PIR: variants seen among roughly 807,000 people sequenced by gnomAD.
PIR encodes pirin.
A neutral mutation model predicts 24.2 loss-of-function variants in PIR; 22 were observed. That is an observed-to-expected ratio of 0.91 (90% confidence interval 0.65 to 1.30). The LOEUF (loss-of-function observed/expected upper bound fraction) is 1.30, where lower values mean the gene tolerates loss of function less well. Among genes scored for constraint, PIR ranks in the 50% most tolerant of loss-of-function variants. The pLI, the probability that PIR is intolerant of heterozygous loss-of-function variation, is 0.00. For missense variants in PIR, 220 were observed against 220.3 expected, an observed-to-expected ratio of 1.00 and a Z score of 0.01; for synonymous variants, 80 against 79.6, an observed-to-expected ratio of 1.00 and a Z score of -0.03.
chrX:15,385,119 A>G lies in PIR; in HGVS notation c.761-3T>C, dbSNP rs1188551823. 1 of 1,034,956 alleles carries G rather than the reference A, an allele frequency of 9.7e-7. No individual in the cohort carries two copies. Among genetic ancestry groups the G allele is most frequent in the African/African-American group, 1.8e-5 (1 of 54,134 alleles). 85.3% of individuals were successfully genotyped at this position (1,034,956 alleles called of 1,213,427 possible). A position where few individuals can be genotyped will look rare whatever the true frequency, so the allele number is the denominator to read the frequency against. ...ATTGGTGTTCATCACAAATGGACCT[A>G]GGGCAGAAAGAGACATTCAGAAAGT... On this transcript the variant is annotated splice_polypyrimidine_tract_variant and splice_region_variant and intron_variant, in intron 9 of 9. Transcript: ENST00000380420.
intron 6 of PIR, among the ~76,000 whole-genome samples, chrX:15,422,492 TC>T (rs1305833970): frequency 9.1e-6 from 1 of 110,130 alleles, no homozygotes; most frequent in Non-Finnish European, 1.9e-5. Flanking sequence ...GGATACAAAA[TC>T]AACATACAAA....
chrX:15,395,235 A>C (rs764670020), intron 8 of PIR, among the ~76,000 whole-genome samples: 6 of 111,781 alleles, frequency 5.4e-5, no homozygotes, highest in South Asian at 3.8e-4. Flanking sequence ...CTTCAGGTCT[A>C]CTGTATAAAT....
intron 4 of PIR, 62 bp from the exon 5 acceptor site, chrX:15,456,116 A>G (rs1367148871): frequency 1.1e-6 from 1 of 890,720 alleles, no homozygotes; most frequent in Non-Finnish European, 1.6e-6. Flanking sequence ...CTATAGGTGG[A>G]ACAATTACAA....
intron 7 of PIR, among the ~76,000 whole-genome samples, chrX:15,406,225 G>T: frequency 8.9e-6 from 1 of 112,575 alleles, no homozygotes. Context: ...CGTCTGTGGG[G>T]ATGAGGAGGA....
At chrX:15,479,114 C>T (rs1922362495) in intron 3 of PIR, among the ~76,000 whole-genome samples, 1 of 111,979 alleles carries the variant, frequency 8.9e-6, no homozygotes, top group Non-Finnish European at 1.9e-5. Flanking sequence ...ATTAAGTGTT[C>T]AGTAGAATCT....
chrX:15,435,748 C>T (rs1254557144), intron 5 of PIR, among the ~76,000 whole-genome samples: 1 of 112,143 alleles, frequency 8.9e-6, no homozygotes, highest in Admixed American at 9.4e-5. Context: ...TCCCATTGCC[C>T]CTGCATGGGG....
At chrX:15,484,656 G>A (rs758587290) in intron 2 of PIR, among the ~76,000 whole-genome samples, 2 of 111,519 alleles carry the variant, frequency 1.8e-5, no homozygotes, top group Non-Finnish European at 3.8e-5. Flanking sequence ...TGAACAGATT[G>A]TTGTAGAAAT....
chrX:15,460,406 C>G (rs1921253528), intron 3 of PIR, among the ~76,000 whole-genome samples: 1 of 111,395 alleles, frequency 9.0e-6, no homozygotes, highest in Admixed American at 9.6e-5. Flanking sequence ...ACTATTAAGC[C>G]TTAAAAAATA....
chrX:15,475,957 G>A (rs1237115729), intron 3 of PIR, among the ~76,000 whole-genome samples: 1 of 112,143 alleles, frequency 8.9e-6, no homozygotes, highest in Non-Finnish European at 1.9e-5. Flanking sequence ...AAACCTAAGA[G>A]TTAAGTTTAA....
intron 5 of PIR, among the ~76,000 whole-genome samples, chrX:15,427,905 T>C (rs1020110416): frequency 9.0e-6 from 1 of 111,152 alleles, no homozygotes; most frequent in Non-Finnish European, 1.9e-5. Flanking sequence ...CACCTACATG[T>C]AGCAAAATGC....
At chrX:15,436,062 A>G (rs1391212299) in intron 5 of PIR, among the ~76,000 whole-genome samples, 1 of 112,380 alleles carries the variant, frequency 8.9e-6, no homozygotes, top group Non-Finnish European at 1.9e-5. Flanking sequence ...CAAAGAGAAG[A>G]CAAGGAACTC....
chrX:15,441,757 T>C (rs1280817284), intron 5 of PIR, among the ~76,000 whole-genome samples: 1 of 111,271 alleles, frequency 9.0e-6, no homozygotes, highest in Non-Finnish European at 1.9e-5. Flanking sequence ...TTCTGAGCTC[T>C]TTTTCTTTCT....
intron 5 of PIR, among the ~76,000 whole-genome samples, chrX:15,428,179 A>G (rs1602262575): frequency 9.0e-6 from 1 of 111,274 alleles, no homozygotes; most frequent in East Asian, 2.8e-4. Context: ...GACCTGTGAC[A>G]TCAAGTGCAA....
chrX:15,403,416 T>C (rs966111955), intron 7 of PIR, among the ~76,000 whole-genome samples: 1 of 112,235 alleles, frequency 8.9e-6, no homozygotes, highest in African/African-American at 3.2e-5. Flanking sequence ...GGACTAGAAT[T>C]CAAGCTGATA....
rs781069754 is a variant in PIR, at chrX:15,487,164, T to C, written c.96+3998A>G. Reference sequence around the variant, plus strand: ...ACTGAGATCTAGATACAGCCTTGAATGGACTTGAGCTGTGACTATATGGCC... The same window carrying C: ...ACTGAGATCTAGATACAGCCTTGAACGGACTTGAGCTGTGACTATATGGCC... On this transcript the variant is annotated intron_variant, in intron 2 of 9. Transcript: ENST00000380420. Among the ~76,000 whole-genome samples, 4 of 112,131 alleles carry C rather than the reference T, an allele frequency of 3.6e-5. 1 individual carries two copies. Among genetic ancestry groups the C allele is most frequent in the African/African-American group, 1.3e-4 (4 of 30,866 alleles).
intron 6 of PIR, among the ~76,000 whole-genome samples, chrX:15,414,737 G>A (rs1924857325): frequency 9.0e-6 from 1 of 111,021 alleles, no homozygotes; most frequent in East Asian, 2.8e-4. Flanking sequence ...TGTTGCCTAG[G>A]CTTGTCTCGA....
At chrX:15,429,351 A>G (rs1048540675) in intron 5 of PIR, 1 of 112,222 alleles carries the variant, frequency 8.9e-6, no homozygotes, top group African/African-American at 3.2e-5. Flanking sequence ...AATATATTCT[A>G]TCGTCTCACA....
chrX:15,468,126 C>T (rs1407264676), intron 3 of PIR, among the ~76,000 whole-genome samples: 2 of 112,515 alleles, frequency 1.8e-5, no homozygotes, highest in East Asian at 2.8e-4. Context: ...TCCACATAAA[C>T]GGGTAGTCGG....
In PIR at chrX:15,387,389, G is replaced by C. The variant is rs186647960; in HGVS notation, c.761-2273C>G. Among the ~76,000 whole-genome samples the C allele has an allele frequency of 8.8e-3, 970 of 109,847 alleles. 16 individuals carry two copies. Among genetic ancestry groups the C allele is most frequent in the Admixed American group, 0.073 (742 of 10,230 alleles). On this transcript the variant is annotated intron_variant, in intron 9 of 9. Transcript: ENST00000380420. ...TGGGATTACAGGCATGAGCCACCGC[G>C]CCCGGCCCAGTTCTGAGTATTTTAA...
Sources: allele counts gnomAD v4.1 joint callset (sites outside exome capture counted in the v4.1 genomes callset), GRCh38; gene constraint gnomAD v4.1.1; transcripts MANE v1.5; gene names NCBI Gene and HGNC (gene_info 2026-07-23, HGNC 2026-07-21).